The following NARF variants were observed in gnomAD, a reference collection of about 807,000 sequenced individuals.
The protein encoded by NARF is nuclear prelamin A recognition factor.
NARF carries 41 observed loss-of-function variants against 48.0 expected under a neutral mutation model. The ratio of observed to expected loss-of-function variants is 0.85; its 90% CI spans 0.66 to 1.11. The LOEUF (loss-of-function observed/expected upper bound fraction) is 1.11. Ranked by LOEUF, NARF falls within the 50% of genes least tolerant of loss-of-function variation. The pLI is 0.00. For synonymous variants in NARF, 215 were observed against 225.5 expected (o/e 0.95, Z 0.42); for missense variants, 613 against 590.2 (o/e 1.04, Z -0.40).
intron 6 of NARF, 165 bp from the exon 7 acceptor site, chr17:82,480,917 C>G (rs1662677513): frequency 1.2e-6 from 1 of 856,322 alleles, no homozygotes; most frequent in Non-Finnish European, 1.7e-6. Context: ...GGTGACAGAG[C>G]AAGACTCCAT....
Position 82,488,308 on chromosome 17 carries a change from T to C in NARF, c.*151T>C. ...TCTCCGAGTTCCCTGCTACCCCGTTTATTGGAGGCCCCTCAGGCAGTTTCA... is the reference window on the plus strand; with the variant it reads ...TCTCCGAGTTCCCTGCTACCCCGTTCATTGGAGGCCCCTCAGGCAGTTTCA... On this transcript the variant is annotated 3_prime_UTR_variant, in exon 11 of 11. Transcript: ENST00000309794. 1 of 1,238,682 alleles carries C rather than the reference T, an allele frequency of 8.1e-7. No homozygotes were observed. The highest frequency in any genetic ancestry group is 1.1e-6 in the Non-Finnish European group (1 of 919,878). The allele number at this position is 1,238,682 out of a possible 1,614,324, so 76.7% of individuals were successfully genotyped here.
intron 3 of NARF, among the ~76,000 whole-genome samples, chr17:82,467,886 T>C (rs1047907173): frequency 1.3e-5 from 2 of 152,240 alleles, no homozygotes; most frequent in Admixed American, 6.5e-5. Context: ...ATTTCACTTA[T>C]TCATTGGCCA....
chr17:82,485,372 G>T lies in NARF; in HGVS notation c.972-125G>T, dbSNP rs917165761. ...GGAGGCAGAGGTTGCAGTGAGCCAA[G>T]ATGGTGCCACTGCACTCCAGCCTGG... is the stretch of plus-strand genomic sequence containing the variant. On this transcript the variant is annotated intron_variant, in intron 9 of 10. Transcript: ENST00000309794. 3.9e-5 allele frequency: 41 copies of T among 1,055,556 alleles called. No homozygotes were observed. In the South Asian group the frequency reaches 6.4e-4, roughly 16 times the overall value. The allele number at this position is 1,055,556 out of a possible 1,614,324, so 65.4% of individuals were successfully genotyped here.
At chr17:82,474,042 A>G (rs1056829630) in intron 5 of NARF, among the ~76,000 whole-genome samples, 52 of 152,108 alleles carry the variant, frequency 3.4e-4, no homozygotes, top group African/African-American at 1.2e-3. Flanking sequence ...AAAAAAAGCC[A>G]GGGGTGGTGG....
chr17:82,460,205 C>T, intron 2 of NARF, 133 bp downstream of exon 2: 2 of 720,154 alleles, frequency 2.8e-6, no homozygotes, highest in East Asian at 6.0e-5. Flanking sequence ...TGGCTCACGC[C>T]TGGAATCCCA....
rs2044173259 is a variant in NARF, at chr17:82,490,210, C to T, written c.*2053C>T. 1 of 152,214 alleles carries T rather than the reference C, an allele frequency of 6.6e-6. No individual in the cohort carries two copies. The highest frequency in any genetic ancestry group is 2.4e-5 in the African/African-American group (1 of 41,456). 9.4% of individuals were successfully genotyped at this position (152,214 alleles called of 1,614,324 possible). On this transcript the variant is annotated 3_prime_UTR_variant, in exon 11 of 11. Transcript: ENST00000309794. ...GGCAGACGCCTGAAACTCCATGGAA[C>T]CATGCAGCTGTACCCTAGGGCTCCT...
chr17:82,487,880 G>A (rs1192181978), intron 10 of NARF, 36 bp from the exon 11 acceptor site: 2 of 1,607,834 alleles, frequency 1.2e-6, no homozygotes, highest in African/African-American at 1.3e-5. Context: ...AAGATCGCCT[G>A]AGCCCAGGAT....
chr17:82,473,848 A>T (rs2043772824), intron 5 of NARF, among the ~76,000 whole-genome samples: 1 of 152,190 alleles, frequency 6.6e-6, no homozygotes, highest in South Asian at 2.1e-4. Flanking sequence ...ATGAGCCACC[A>T]CACCCGTCCT....
At position 82,489,117 on chromosome 17, in the gene NARF, G is replaced by A. The variant is rs1452988520; in HGVS notation, c.*960G>A. 6.5e-6 allele frequency: 1 copy of A among 154,294 alleles called. No individual in the cohort carries two copies. Among genetic ancestry groups the A allele is most frequent in the African/African-American group, 2.4e-5 (1 of 41,464 alleles). 9.6% of individuals were successfully genotyped at this position (154,294 alleles called of 1,614,324 possible). A position where few individuals can be genotyped will look rare whatever the true frequency, so the allele number is the denominator to read the frequency against. On this transcript the variant is annotated 3_prime_UTR_variant, in exon 11 of 11. Transcript: ENST00000309794. ...AAACTGTAGTTTCTGACAACAGTAGGCCCCATTCCTCACAGCCAGTCACCA... is the reference window on the plus strand; with the variant it reads ...AAACTGTAGTTTCTGACAACAGTAGACCCCATTCCTCACAGCCAGTCACCA...
rs1458529694 is a variant in NARF at position 82,468,496 on chromosome 17, G to A, written c.253-268G>A. On this transcript the variant is annotated intron_variant, in intron 3 of 10. Transcript: ENST00000309794. ...TCCTGTTTCAGCCTCCTGTGTAGCTGGAACTGTAGGCATGCACCACTGAAG... is the reference window on the plus strand; with the variant it reads ...TCCTGTTTCAGCCTCCTGTGTAGCTAGAACTGTAGGCATGCACCACTGAAG... 1.0e-5 allele frequency: 4 copies of A among 400,258 alleles called. No individual in the cohort carries two copies. In the East Asian group the frequency reaches 2.1e-4, roughly 21 times the overall value. The allele number at this position is 400,258 out of a possible 1,614,324, so 24.8% of individuals were successfully genotyped here.
intron 7 of NARF, chr17:82,481,857 C>T (rs9909476): frequency 0.13 from 44,891 of 359,100 alleles, 3,472 homozygotes; most frequent in Admixed American, 0.23. Context: ...ATAGCCATAG[C>T]GGGTCTCCTA....
chr17:82,467,168 C>G (rs1195091864), intron 3 of NARF, among the ~76,000 whole-genome samples: 1 of 151,610 alleles, frequency 6.6e-6, no homozygotes, highest in East Asian at 2.0e-4. Context: ...TGCCTCAGCC[C>G]CCTGAGTATC....
chr17:82,469,010 G>A, intron 4 of NARF, 114 bp downstream of exon 4: 1 of 1,204,764 alleles, frequency 8.3e-7, no homozygotes, highest in Non-Finnish European at 1.2e-6. Context: ...TTCCAAAAGA[G>A]TCTCTTGGAA....
Position 82,484,852 on chromosome 17 carries a change from T to C in NARF, c.873T>C (p.Asp291=). 1 of 1,611,040 alleles carries C rather than the reference T, an allele frequency of 6.2e-7. No homozygotes were observed. Among genetic ancestry groups the C allele is most frequent in the Non-Finnish European group, 8.5e-7 (1 of 1,178,598 alleles). The stretch of plus-strand genomic sequence containing the variant: ...AGGAGGACAAAGTGACGCGTCATGA[T>C]GGAGCCAGCTCAGACGGGCACCTGG... The part of the protein sequence containing the change: ...DLKEDKVTRH[D]GASSDGHLAH... Residue 291 remains aspartate (D), a synonymous_variant, in exon 9 of 11, where the codon GAT becomes GAC. Coordinates refer to ENST00000309794, the MANE Select transcript of NARF (RefSeq NM_012336.4).
chr17:82,458,767 G>C lies in NARF; in HGVS notation c.-37G>C. 1 of 1,473,442 alleles carries C rather than the reference G, an allele frequency of 6.8e-7. No individual in the cohort carries two copies. Among genetic ancestry groups the C allele is most frequent in the Non-Finnish European group, 8.9e-7 (1 of 1,118,268 alleles). The allele number at this position is 1,473,442 out of a possible 1,614,324, so 91.3% of individuals were successfully genotyped here. On this transcript the variant is annotated 5_prime_UTR_variant, in exon 1 of 11. Coordinates refer to ENST00000309794, the MANE Select transcript of NARF (RefSeq NM_012336.4). ...TCCCAGTCTCCCGGTGCTTCCCTGAGGCTGAGGCGCCCGGCCTCCCGCCCG... is the reference window on the plus strand; with the variant it reads ...TCCCAGTCTCCCGGTGCTTCCCTGACGCTGAGGCGCCCGGCCTCCCGCCCG...
intron 7 of NARF, chr17:82,483,459 A>G: frequency 2.2e-6 from 1 of 458,212 alleles, no homozygotes; most frequent in Non-Finnish European, 4.0e-6. Context: ...TCATGGAGAG[A>G]TTGTTTACAT....
intron 7 of NARF, chr17:82,482,808 T>C (rs1197746777): frequency 6.6e-6 from 1 of 151,928 alleles, no homozygotes; most frequent in Non-Finnish European, 1.5e-5. Context: ...TTTTTTTTTA[T>C]TTTTTGAGAC....
intron 6 of NARF, chr17:82,480,758 C>A: frequency 2.1e-6 from 1 of 480,692 alleles, no homozygotes; most frequent in Non-Finnish European, 3.7e-6. Flanking sequence ...ACGGTGAAAC[C>A]CCATCTCTAC....
intron 1 of NARF, 146 bp downstream of exon 1, chr17:82,458,976 C>T: frequency 1.6e-6 from 2 of 1,216,248 alleles, no homozygotes; most frequent in Non-Finnish European, 2.0e-6. Context: ...GCCCGCTCGG[C>T]GTGGAGGCGG....
Sources: allele counts gnomAD v4.1 joint callset (sites outside exome capture counted in the v4.1 genomes callset), GRCh38; gene constraint gnomAD v4.1.1; transcripts MANE v1.5; gene names NCBI Gene and HGNC (gene_info 2026-07-23, HGNC 2026-07-21).